Variants in RTN4 observed in about 807,000 individuals in gnomAD.
The protein encoded by RTN4 is reticulon 4, also known as reticulon-4.
Under a neutral mutation model 90.4 loss-of-function variants are expected in RTN4, and 32 were observed. The ratio of observed to expected loss-of-function variants is 0.35; its 90% CI spans 0.27 to 0.48. The LOEUF (loss-of-function observed/expected upper bound fraction) is 0.48. Ranked by LOEUF, RTN4 falls within the 20% of genes least tolerant of loss-of-function variation. The pLI, the probability that RTN4 is intolerant of heterozygous loss-of-function variation, is 0.99. For missense variants in RTN4, 1,706 were observed against 1,430.2 expected (o/e 1.19, Z -3.11); for synonymous variants, 629 against 552.5 (o/e 1.14, Z -1.94).
intron 2 of RTN4, chr2:55,060,771 A>C (rs1036792396): frequency 1.3e-5 from 2 of 152,214 alleles, no homozygotes; most frequent in Admixed American, 1.3e-4. Flanking sequence ...AAATACAAAA[A>C]TTAGCTAGCA....
At chr2:55,023,268 A>G (rs1183387082) in intron 3 of RTN4, among the ~76,000 whole-genome samples, 2 of 152,074 alleles carry the variant, frequency 1.3e-5, no homozygotes, top group Non-Finnish European at 2.9e-5. Context: ...GGCACAATCA[A>G]AGAAAAGTCA....
intron 1 of RTN4, among the ~76,000 whole-genome samples, chr2:55,092,917 A>G (rs765470990): frequency 1.3e-5 from 2 of 152,182 alleles, no homozygotes; most frequent in African/African-American, 2.4e-5. Flanking sequence ...CTTCACAGAC[A>G]TTTTCCCAAT....
intron 1 of RTN4, among the ~76,000 whole-genome samples, chr2:55,086,810 T>C (rs1375908984): frequency 1.3e-5 from 2 of 151,720 alleles, no homozygotes; most frequent in Non-Finnish European, 2.9e-5. Flanking sequence ...AATTTTGCCT[T>C]TGTTTTCAAC....
chr2:55,025,392 C>A lies in RTN4; in HGVS notation c.2707G>T (p.Ala903Ser). ...EVSHKSEIAN[A>S]PDGAGSLPCT... ...GGCAATGACCCAGCTCCATCCGGGG[C>A]ATTAGCAATTTCACTTTTGTGGGAT... Residue 903 changes from alanine (A) to serine (S), a missense_variant, in exon 3 of 9, where the codon GCC becomes TCC. Coordinates refer to ENST00000337526, the MANE Select transcript of RTN4 (RefSeq NM_020532.5). 6.2e-7 allele frequency: 1 copy of A among 1,613,934 alleles called. No individual in the cohort carries two copies. Among genetic ancestry groups the A allele is most frequent in the Non-Finnish European group, 8.5e-7 (1 of 1,179,880 alleles).
the RTN4 span, among the ~76,000 whole-genome samples, chr2:55,122,523 T>C: frequency 6.6e-6 from 1 of 152,228 alleles, no homozygotes; most frequent in Non-Finnish European, 1.5e-5. Flanking sequence ...AATAATTTTA[T>C]CTTTGAACTT....
chr2:55,047,545 ATTT>A (rs1225764357), intron 1 of RTN4, among the ~76,000 whole-genome samples: 1 of 141,410 alleles, frequency 7.1e-6, no homozygotes, highest in Non-Finnish European at 1.5e-5. Flanking sequence ...CAATTGGCTT[ATTT>A]TCCCCCATTA....
chr2:55,026,488 CT>C lies in RTN4; in HGVS notation c.1610del (p.Lys537ArgfsTer2), dbSNP rs760798382. On this transcript the variant is annotated frameshift_variant, in exon 3 of 9. Coordinates refer to ENST00000337526, the MANE Select transcript of RTN4 (RefSeq NM_020532.5). LOFTEE classifies it high-confidence loss of function. ...TDYVTTDNLTKVTEEVVANMP... is the reference protein window; with the variant it reads ...TDYVTTDNLTXVTEEVVANMP... The stretch of plus-strand genomic sequence containing the variant: ...TGTTTGCCACGACTTCCTCAGTCAC[CT>C]TTGTTAAATTATCTGTTGTGACATA... 2 of 1,613,946 alleles carry C rather than the reference CT, an allele frequency of 1.2e-6. No individual in the cohort carries two copies.
chr2:55,008,657 A>T lies in RTN4; in HGVS notation c.3013+16429T>A, dbSNP rs1680410548. Among the ~76,000 whole-genome samples the T allele has an allele frequency of 5.3e-5, 8 of 152,266 alleles. 1 individual carries two copies. In the South Asian group the frequency reaches 1.4e-3, roughly 28 times the overall value. ...AAACAAATCTCTGGAAAAAATATGA[A>T]CTACATTGGAACTTAATTTCTCCTG... On this transcript the variant is annotated intron_variant, in intron 3 of 8. Transcript: ENST00000337526.
At chr2:54,980,578 G>A (rs1573280569) in intron 5 of RTN4, among the ~76,000 whole-genome samples, 1 of 152,074 alleles carries the variant, frequency 6.6e-6, no homozygotes, top group Non-Finnish European at 1.5e-5. Context: ...TGCAAACATC[G>A]AGGATGACTT....
At chr2:55,096,013 C>A (rs1669025906) in intron 1 of RTN4, among the ~76,000 whole-genome samples, 1 of 152,112 alleles carries the variant, frequency 6.6e-6, no homozygotes, top group South Asian at 2.1e-4. Flanking sequence ...AGGTAAAGTA[C>A]CATTTTCATC....
chr2:55,070,737 C>A (rs2028728), intron 2 of RTN4, among the ~76,000 whole-genome samples: 14,005 of 119,074 alleles, frequency 0.12, 800 homozygotes, highest in South Asian at 0.23. Flanking sequence ...GGACAAACAG[C>A]TGTTTTGATT....
At chr2:55,016,265 T>C (rs181685958) in intron 3 of RTN4, among the ~76,000 whole-genome samples, 8 of 152,218 alleles carry the variant, frequency 5.3e-5, no homozygotes, top group Admixed American at 4.6e-4. Context: ...TCCAATTTCA[T>C]AAAACACTAT....
intron 6 of RTN4, chr2:54,974,194 T>C (rs1004180993): frequency 3.7e-6 from 1 of 270,404 alleles, no homozygotes. Flanking sequence ...TTTATCACTG[T>C]TTGTTAGTAG....
chr2:55,042,668 C>T (rs1683153831), intron 1 of RTN4, among the ~76,000 whole-genome samples: 1 of 152,076 alleles, frequency 6.6e-6, no homozygotes, highest in Admixed American at 6.6e-5. Context: ...TAAATAAATG[C>T]TTTCGTAAGA....
At chr2:55,027,959 T>A (rs562582340) in intron 2 of RTN4, among the ~76,000 whole-genome samples, 19 of 152,214 alleles carry the variant, frequency 1.2e-4, no homozygotes, top group Admixed American at 9.8e-4. Context: ...GAATTCCTTA[T>A]GTACTTCCAA....
At chr2:55,120,013 T>A in the RTN4 span, among the ~76,000 whole-genome samples, 1 of 152,124 alleles carries the variant, frequency 6.6e-6, no homozygotes, top group Non-Finnish European at 1.5e-5. Flanking sequence ...TCATTGCAAG[T>A]GACTGTAAAA....
At chr2:55,078,163 A>G (rs1381979315) in intron 2 of RTN4, among the ~76,000 whole-genome samples, 1 of 152,148 alleles carries the variant, frequency 6.6e-6, no homozygotes, top group Non-Finnish European at 1.5e-5. Context: ...ACCTTTTCCC[A>G]AAAAACCTAT....
intron 1 of RTN4, among the ~76,000 whole-genome samples, chr2:55,110,751 C>G (rs78681906): frequency 1.2e-3 from 177 of 152,266 alleles, no homozygotes; most frequent in African/African-American, 4.0e-3. Flanking sequence ...AAAAATATAT[C>G]TACGCCAGGC....
rs201182840 is a variant in RTN4, at chr2:55,025,960, C to T, written c.2139G>A (p.Pro713=). 161 of 1,612,828 alleles carry T rather than the reference C, an allele frequency of 1.0e-4. No individual in the cohort carries two copies. The highest frequency in any genetic ancestry group is 1.1e-4 in the Non-Finnish European group (129 of 1,179,824). Reference sequence around the variant, plus strand: ...CCATTTCTGAATAATCAGAGAAATCCGGAGCTGGTTCAGCAGAAAGCTTTG... The same window carrying T: ...CCATTTCTGAATAATCAGAGAAATCTGGAGCTGGTTCAGCAGAAAGCTTTG... ...KETKLSAEPA[P]DFSDYSEMAK... Residue 713 remains proline, a synonymous_variant, in exon 3 of 9, where the codon CCG becomes CCA. Transcript: ENST00000337526.
Sources: allele counts gnomAD v4.1 joint callset (sites outside exome capture counted in the v4.1 genomes callset), GRCh38; gene constraint gnomAD v4.1.1; transcripts MANE v1.5; gene names NCBI Gene and HGNC (gene_info 2026-07-23, HGNC 2026-07-21).